The following SIMC1 variants were observed in gnomAD, a reference collection of about 807,000 sequenced individuals.
SIMC1 encodes the protein SUMO interacting motifs containing 1.
In SIMC1, 55 loss-of-function variants were observed where a neutral mutation model predicts 82.3. The observed-to-expected ratio is 0.67, with a 90% CI of 0.54 to 0.84. The LOEUF is 0.84. SIMC1 is among the 40% of genes least tolerant of loss of function. The pLI is 0.00. For synonymous variants in SIMC1, 353 were observed against 426.3 expected (o/e 0.83, Z 2.12); for missense variants, 915 against 1,107.2 (o/e 0.83, Z 2.46).
chr5:176,330,602 CA>C, intron 7 of SIMC1, among the ~76,000 whole-genome samples: 1 of 152,070 alleles, frequency 6.6e-6, no homozygotes, highest in East Asian at 1.9e-4. Flanking sequence ...ATTTGAGCTC[CA>C]AAATGAATAT....
At chr5:176,281,868 A>T (rs1427929897) in intron 1 of SIMC1, among the ~76,000 whole-genome samples, 1 of 152,176 alleles carries the variant, frequency 6.6e-6, no homozygotes, top group African/African-American at 2.4e-5. Flanking sequence ...TAGGCTGCTC[A>T]GGGGTCAGGG....
chr5:176,315,779 A>G (rs977212482), intron 5 of SIMC1, among the ~76,000 whole-genome samples: 1 of 152,170 alleles, frequency 6.6e-6, no homozygotes, highest in African/African-American at 2.4e-5. Context: ...ATTTCCCTAT[A>G]TGTGATATTT....
intron 4 of SIMC1, among the ~76,000 whole-genome samples, chr5:176,303,919 C>G (rs534416135): frequency 2.6e-5 from 4 of 152,252 alleles, no homozygotes; most frequent in Admixed American, 2.6e-4. Context: ...GCATTAAAGA[C>G]CTGAATATAA....
chr5:176,264,650 T>C (rs1168857926), intron 1 of SIMC1, among the ~76,000 whole-genome samples: 1 of 151,504 alleles, frequency 6.6e-6, no homozygotes, highest in African/African-American at 2.4e-5. Flanking sequence ...CCCCTTTAAA[T>C]TTCTCTCCTA....
chr5:176,276,725 A>C (rs1199415375), intron 1 of SIMC1, among the ~76,000 whole-genome samples: 1 of 142,874 alleles, frequency 7.0e-6, no homozygotes, highest in Admixed American at 7.0e-5. Context: ...GCGATAGTTT[A>C]CTGAGAATGA....
chr5:176,268,629 T>C (rs1266251867), intron 1 of SIMC1, among the ~76,000 whole-genome samples: 10 of 152,308 alleles, frequency 6.6e-5, no homozygotes, highest in Admixed American at 5.2e-4. Flanking sequence ...TGGGAAGTTA[T>C]AAGAATTACA....
chr5:176,305,511 A>G (rs868501123), intron 4 of SIMC1, among the ~76,000 whole-genome samples: 2 of 99,012 alleles, frequency 2.0e-5, no homozygotes, highest in Admixed American at 9.7e-5. Context: ...CCGGCCAGCC[A>G]CCCCGTCTGG....
chr5:176,283,645 T>A (rs1763123787), intron 1 of SIMC1, among the ~76,000 whole-genome samples: 1 of 152,150 alleles, frequency 6.6e-6, no homozygotes, highest in Non-Finnish European at 1.5e-5. Context: ...GCTAACATCA[T>A]AATGACAGGA....
intron 4 of SIMC1, among the ~76,000 whole-genome samples, chr5:176,297,558 A>G (rs1763876072): frequency 6.6e-6 from 1 of 151,764 alleles, no homozygotes; most frequent in South Asian, 2.1e-4. Flanking sequence ...ATAAACAAAG[A>G]CAGCTAGTGC....
chr5:176,287,195 T>C (rs1319467073), intron 1 of SIMC1, among the ~76,000 whole-genome samples: 6 of 152,106 alleles, frequency 3.9e-5, no homozygotes, highest in South Asian at 2.1e-4. Flanking sequence ...TTTATTGTGG[T>C]ACTATTCACA....
At position 176,313,659 on chromosome 5, in the gene SIMC1, G is replaced by A. The variant is rs374242380; in HGVS notation, c.1735-32G>A. 5.6e-5 allele frequency: 91 copies of A among 1,611,164 alleles called. No individual in the cohort carries two copies. The African/African-American group carries it at 1.1e-3, about 20-fold the overall frequency. ...TGACTGTCATCCAAGAGACTGAGAA[G>A]AAAGACTGACTTCTCATTCTTTTTC... On this transcript the variant is annotated intron_variant, in intron 4 of 9. Coordinates refer to ENST00000429602, the MANE Select transcript of SIMC1 (RefSeq NM_001308195.2).
At chr5:176,337,268 T>C in intron 9 of SIMC1, 122 bp downstream of exon 9, 2 of 843,842 alleles carry the variant, frequency 2.4e-6, no homozygotes, top group Non-Finnish European at 3.8e-6. Flanking sequence ...TAACTTATTA[T>C]AAGGGATAAG....
chr5:176,315,496 T>G, intron 5 of SIMC1, among the ~76,000 whole-genome samples: 1 of 152,206 alleles, frequency 6.6e-6, no homozygotes, highest in Non-Finnish European at 1.5e-5. Flanking sequence ...TATCCAGATG[T>G]AACCCCATCA....
intron 4 of SIMC1, chr5:176,308,101 T>A: frequency 1.2e-6 from 1 of 801,386 alleles, no homozygotes; most frequent in South Asian, 1.4e-5. Flanking sequence ...AGGCAGTTCA[T>A]CTAGAGTCTG....
intron 5 of SIMC1, among the ~76,000 whole-genome samples, chr5:176,318,905 C>G (rs989231346): frequency 3.3e-5 from 5 of 152,074 alleles, no homozygotes; most frequent in African/African-American, 1.2e-4. Flanking sequence ...CTCAGGTGTT[C>G]AAGACCAGCC....
At chr5:176,339,654 C>T (rs1404639635) in intron 9 of SIMC1, among the ~76,000 whole-genome samples, 2 of 152,054 alleles carry the variant, frequency 1.3e-5, no homozygotes, top group Non-Finnish European at 2.9e-5. Context: ...AAGGTGGAAA[C>T]GGAATCTACT....
intron 2 of SIMC1, among the ~76,000 whole-genome samples, chr5:176,293,852 G>A (rs1763687854): frequency 6.6e-6 from 1 of 151,958 alleles, no homozygotes. Context: ...AGTGTGTTAT[G>A]GAAAAATTGA....
At chr5:176,318,064 G>T (rs950860991) in intron 5 of SIMC1, among the ~76,000 whole-genome samples, 1 of 152,134 alleles carries the variant, frequency 6.6e-6, no homozygotes, top group Non-Finnish European at 1.5e-5. Flanking sequence ...ATGAAGTAGT[G>T]GCCCACCATC....
At chr5:176,305,543 C>T (rs1764299656) in intron 4 of SIMC1, among the ~76,000 whole-genome samples, 1 of 142,730 alleles carries the variant, frequency 7.0e-6, no homozygotes, top group Non-Finnish European at 1.6e-5. Context: ...GGGGGTCAGC[C>T]CCCCGCCTGG....
Sources: gnomAD v4.1 joint callset for allele counts (sites outside exome capture counted in the v4.1 genomes callset) on GRCh38, gnomAD v4.1.1 for gene constraint, MANE v1.5 for transcripts, NCBI Gene and HGNC (gene_info 2026-07-23, HGNC 2026-07-21) for gene names.